PCDH15: variants seen among roughly 807,000 people sequenced by gnomAD.
PCDH15 encodes the protein protocadherin-15.
Under a neutral mutation model 178.5 loss-of-function variants are expected in PCDH15, and 129 were observed. That is an observed-to-expected ratio of 0.72 (90% CI 0.63 to 0.84). The LOEUF (loss-of-function observed/expected upper bound fraction) is 0.84. Among genes scored for constraint, PCDH15 ranks in the 40% least tolerant of loss-of-function variants. The pLI, the probability that PCDH15 is intolerant of heterozygous loss-of-function variation, is 0.00. For synonymous variants in PCDH15, 800 were observed against 732.0 expected, an observed-to-expected ratio of 1.09 and a Z score of -1.50; for missense variants, 2,230 against 2,099.9, an observed-to-expected ratio of 1.06 and a Z score of -1.21.
intron 2 of PCDH15, among the ~76,000 whole-genome samples, chr10:54,559,077 G>A (rs958564116): frequency 2.6e-5 from 4 of 151,968 alleles, no homozygotes; most frequent in Non-Finnish European, 5.9e-5. Context: ...GAAGACACAC[G>A]AAGGCCTCTG....
rs188163824 is a variant in PCDH15 at position 53,878,524 on chromosome 10, A to G, written c.3502-11667T>C. On this transcript the variant is annotated intron_variant, in intron 26 of 37. Transcript: ENST00000644397. ...ATTATATATATACGTGTGTGTGTGT[A>G]TATATATATATATAATAAAACACTG... 9.6e-4 allele frequency among the ~76,000 whole-genome samples: 137 copies of G among 143,432 alleles called. No homozygotes were observed. In the Middle Eastern group the frequency reaches 0.011, roughly 11 times the overall value. 94.1% of individuals were successfully genotyped at this position (143,432 alleles called of 152,430 possible).
intron 4 of PCDH15, among the ~76,000 whole-genome samples, chr10:54,375,187 T>G (rs1217393832): frequency 1.3e-5 from 2 of 152,252 alleles, no homozygotes; most frequent in East Asian, 3.9e-4. Flanking sequence ...CTCAGAAATT[T>G]TAAAACAAAA....
intron 2 of PCDH15, among the ~76,000 whole-genome samples, chr10:55,426,120 A>C (rs13376972): frequency 1.4e-4 from 22 of 152,152 alleles, no homozygotes; most frequent in Middle Eastern, 3.5e-3. Flanking sequence ...GGGGAATAAG[A>C]ACTACTTCAA....
At chr10:54,392,164 TA>T (rs926806448) in intron 3 of PCDH15, among the ~76,000 whole-genome samples, 3 of 151,692 alleles carry the variant, frequency 2.0e-5, no homozygotes, top group South Asian at 2.1e-4. Flanking sequence ...TAGTTTAATT[TA>T]AAAAAAAGTA....
intron 8 of PCDH15, among the ~76,000 whole-genome samples, chr10:54,274,131 T>C (rs912696356): frequency 1.2e-4 from 18 of 151,806 alleles, no homozygotes; most frequent in African/African-American, 4.1e-4. Context: ...ACACTGGGGC[T>C]TTTTGGAGGG....
rs1425252875 is a variant in PCDH15, at chr10:55,401,632, G to GTGTA, written c.-156+225992_-156+225993insTACA. ...TGTGTGTGTGTGTGTGTGTGTGTGTGTGTGTAGTGAGTAGCCACTAGGTTG... is the reference window on the plus strand; with the variant it reads ...TGTGTGTGTGTGTGTGTGTGTGTGTGTGTATGTGTAGTGAGTAGCCACTAGGTTG... On this transcript the variant is annotated intron_variant, in intron 2 of 5. Coordinates refer to the PCDH15 transcript ENST00000613346. Among the ~76,000 whole-genome samples, 10 of 151,502 alleles carry GTGTA rather than the reference G, an allele frequency of 6.6e-5. No individual in the cohort carries two copies. The East Asian group carries it at 1.9e-3, about 29-fold the overall frequency.
chr10:55,157,909 C>A (rs1387356179), intron 2 of PCDH15, among the ~76,000 whole-genome samples: 1 of 151,558 alleles, frequency 6.6e-6, no homozygotes, highest in Non-Finnish European at 1.5e-5. Flanking sequence ...ACATATGTAA[C>A]AAACATGCAT....
At position 54,243,847 on chromosome 10, in the gene PCDH15, G is replaced by GCCAA. The variant is rs1591385264; in HGVS notation, c.877-6917_877-6916insTTGG. The stretch of plus-strand genomic sequence containing the variant: ...ATTTTAAAAAATAGTAACGAATTGG[G>GCCAA]GTGAGTAGTATGGGCCAAGCCAATT... On this transcript the variant is annotated intron_variant, in intron 8 of 37. Coordinates refer to ENST00000644397, the MANE Select transcript of PCDH15 (RefSeq NM_001384140.1). Among the ~76,000 whole-genome samples the GCCAA allele has an allele frequency of 2.6e-5, 4 of 151,886 alleles. No homozygotes were observed. In the East Asian group the frequency reaches 7.9e-4, roughly 30 times the overall value.
chr10:54,513,740 G>A (rs2137855070), intron 3 of PCDH15, among the ~76,000 whole-genome samples: 1 of 152,258 alleles, frequency 6.6e-6, no homozygotes, highest in South Asian at 2.1e-4. Flanking sequence ...TGATGCAGCT[G>A]TTATTTGTGA....
At chr10:53,881,129 C>T (rs1410698321) in intron 26 of PCDH15, among the ~76,000 whole-genome samples, 6 of 152,134 alleles carry the variant, frequency 3.9e-5, no homozygotes, top group African/African-American at 1.4e-4. Context: ...AAAGAAATGG[C>T]TCCAACACCA....
chr10:54,548,551 T>C (rs1390097698), intron 2 of PCDH15, among the ~76,000 whole-genome samples: 2 of 146,108 alleles, frequency 1.4e-5, no homozygotes, highest in African/African-American at 4.9e-5. Context: ...TATGTATATG[T>C]GCCTTATATA....
At chr10:54,594,867 A>G (rs545727071) in intron 2 of PCDH15, among the ~76,000 whole-genome samples, 2 of 152,198 alleles carry the variant, frequency 1.3e-5, no homozygotes, top group Non-Finnish European at 2.9e-5. Context: ...CTCCTGTGCC[A>G]AAACTGCTGG....
chr10:53,862,066 T>C (rs949784649), intron 27 of PCDH15, among the ~76,000 whole-genome samples: 1 of 152,138 alleles, frequency 6.6e-6, no homozygotes, highest in African/African-American at 2.4e-5. Flanking sequence ...TTTTTCTTTT[T>C]TGCGATGGAG....
intron 10 of PCDH15, among the ~76,000 whole-genome samples, chr10:54,209,427 A>G (rs933706701): frequency 3.3e-5 from 5 of 152,072 alleles, no homozygotes; most frequent in African/African-American, 1.2e-4. Context: ...GATATTCAAG[A>G]GGATTTCAAA....
chr10:55,362,716 C>A (rs1040439969), intron 2 of PCDH15, among the ~76,000 whole-genome samples: 1 of 150,816 alleles, frequency 6.6e-6, no homozygotes, highest in South Asian at 2.1e-4. Context: ...TGTGTAGATT[C>A]ATGTGATTAC....
At position 54,296,800 on chromosome 10, in the gene PCDH15, G is replaced by A. The variant is rs549297342; in HGVS notation, c.876+20471C>T. 5.3e-5 allele frequency among the ~76,000 whole-genome samples: 8 copies of A among 152,216 alleles called. No individual in the cohort carries two copies. The East Asian group carries it at 1.2e-3, about 22-fold the overall frequency. On this transcript the variant is annotated intron_variant, in intron 8 of 37. Coordinates refer to ENST00000644397, the MANE Select transcript of PCDH15 (RefSeq NM_001384140.1). ...CTATTCATATAAGTGAGGACAAAAG[G>A]CATCACTCTTCCAACCCTGGAGATC...
intron 6 of PCDH15, among the ~76,000 whole-genome samples, chr10:54,343,021 T>C (rs1237804265): frequency 6.6e-6 from 1 of 152,190 alleles, no homozygotes; most frequent in Non-Finnish European, 1.5e-5. Flanking sequence ...GGAATTGACT[T>C]GTCTCAGATG....
At chr10:54,755,180 C>T (rs1946907716) in intron 1 of PCDH15, among the ~76,000 whole-genome samples, 1 of 152,060 alleles carries the variant, frequency 6.6e-6, no homozygotes, top group Non-Finnish European at 1.5e-5. Context: ...GATGCACCTG[C>T]CTCGGCCTCC....
chr10:54,539,687 T>C (rs1045307500), intron 2 of PCDH15, among the ~76,000 whole-genome samples: 1 of 152,124 alleles, frequency 6.6e-6, no homozygotes, highest in Non-Finnish European at 1.5e-5. Flanking sequence ...ATTCCTCTCA[T>C]CTGCACACAG....
Sources: allele counts gnomAD v4.1 joint callset (sites outside exome capture counted in the v4.1 genomes callset), GRCh38; gene constraint gnomAD v4.1.1; transcripts MANE v1.5; gene names NCBI Gene and HGNC (gene_info 2026-07-23, HGNC 2026-07-21).